The following PLA1A variants were observed in gnomAD, a reference collection of about 807,000 sequenced individuals.
PLA1A encodes phospholipase A1 member A.
Under a neutral mutation model 49.4 loss-of-function variants are expected in PLA1A, and 47 were observed. The observed-to-expected ratio is 0.95, with a 90% CI of 0.75 to 1.21. The LOEUF is 1.21. PLA1A is among the 50% of genes most tolerant of loss of function. The probability of loss-of-function intolerance (pLI) is 0.00; values close to 1 mark genes in which losing one functional copy is unlikely to be tolerated. For synonymous variants in PLA1A, 224 were observed against 207.9 expected (o/e 1.08, Z -0.67); for missense variants, 561 against 563.9 (o/e 0.99, Z 0.05).
At chr3:119,622,087 A>G (rs987777344) in intron 8 of PLA1A, among the ~76,000 whole-genome samples, 67 of 114,284 alleles carry the variant, frequency 5.9e-4, no homozygotes, top group Non-Finnish European at 9.6e-4. Context: ...GTTTCTGAAG[A>G]AAGAAGAAGA....
intron 9 of PLA1A, among the ~76,000 whole-genome samples, chr3:119,628,391 A>G (rs1267763393): frequency 1.3e-5 from 2 of 152,266 alleles, no homozygotes. Flanking sequence ...GAAGGTGAAG[A>G]TCTCCTCCAG....
At chr3:119,601,712 C>T (rs1439062793) in intron 1 of PLA1A, among the ~76,000 whole-genome samples, 3 of 152,154 alleles carry the variant, frequency 2.0e-5, no homozygotes, top group Admixed American at 6.5e-5. Context: ...GTGGTTAGGA[C>T]TAGGTCCTCT....
intron 1 of PLA1A, among the ~76,000 whole-genome samples, chr3:119,603,278 T>C (rs1432553854): frequency 1.3e-5 from 2 of 152,310 alleles, no homozygotes; most frequent in Non-Finnish European, 1.5e-5. Context: ...TGAGAGATGA[T>C]GGTGGCTTAG....
In PLA1A at chr3:119,629,494, C is replaced by G; in HGVS notation, c.*26C>G. 2 of 1,239,758 alleles carry G rather than the reference C, an allele frequency of 1.6e-6. No individual in the cohort carries two copies. The highest frequency in any genetic ancestry group is 2.3e-6 in the Non-Finnish European group (2 of 875,066). The allele number at this position is 1,239,758 out of a possible 1,614,324, so 76.8% of individuals were successfully genotyped here. ...TTTAACCTGGGCAGGACACATCTCC[C>G]TGCATTTTTTTTTTTTTTTTGAGAG... On this transcript the variant is annotated 3_prime_UTR_variant, in exon 11 of 11. Coordinates refer to ENST00000273371, the MANE Select transcript of PLA1A (RefSeq NM_015900.4).
chr3:119,610,230 T>G (rs2692613), intron 4 of PLA1A, among the ~76,000 whole-genome samples: 44,151 of 152,116 alleles, frequency 0.29, 8,045 homozygotes, highest in African/African-American at 0.5. Flanking sequence ...TACCATTGGT[T>G]GGCACCTGGG....
At chr3:119,621,957 G>T (rs887829107) in intron 8 of PLA1A, among the ~76,000 whole-genome samples, 1 of 152,084 alleles carries the variant, frequency 6.6e-6, no homozygotes. Flanking sequence ...AGTGGCTCAC[G>T]TCTCTAATCC....
chr3:119,615,470 G>A (rs1382437679), intron 5 of PLA1A, among the ~76,000 whole-genome samples: 1 of 152,154 alleles, frequency 6.6e-6, no homozygotes, highest in Admixed American at 6.5e-5. Flanking sequence ...AAAAACTTGT[G>A]TTACAGGATA....
At chr3:119,623,973 C>T (rs1283013393) in intron 8 of PLA1A, among the ~76,000 whole-genome samples, 1 of 152,230 alleles carries the variant, frequency 6.6e-6, no homozygotes, top group East Asian at 1.9e-4. Flanking sequence ...GATCCACCCG[C>T]CTTGGCCTCC....
intron 1 of PLA1A, among the ~76,000 whole-genome samples, chr3:119,603,689 A>T (rs140754241): frequency 8.5e-5 from 13 of 152,374 alleles, no homozygotes; most frequent in Admixed American, 3.3e-4. Flanking sequence ...TTATTTGAAC[A>T]AACAGTGATT....
rs753961269 is a variant in PLA1A, at chr3:119,616,018, G to A, written c.671G>A (p.Gly224Asp). 6.2e-7 allele frequency: 1 copy of A among 1,608,804 alleles called. No homozygotes were observed. The change falls in exon 6 of 11, where the codon GGT (glycine) becomes GAT (aspartate). Residue 224 changes from glycine (G) to aspartate (D), a missense_variant. Transcript: ENST00000273371. Reference protein sequence around the residue: ...EAIHTDTDNLGIRIPVGHVDY... With the variant: ...EAIHTDTDNLDIRIPVGHVDY... ...GAGTTGTGCCTCCTTTCAGATTTGG[G>A]TATTCGGATTCCCGTTGGACATGTG...
intron 1 of PLA1A, among the ~76,000 whole-genome samples, chr3:119,598,240 C>T (rs963483032): frequency 6.6e-6 from 1 of 152,126 alleles, no homozygotes; most frequent in African/African-American, 2.4e-5. Flanking sequence ...CCTTTCTCAC[C>T]TTGCACAAGC....
Position 119,629,498 on chromosome 3 carries a change from ATTTTT to A in PLA1A, c.*42_*46del. Reference sequence around the variant, plus strand: ...ACCTGGGCAGGACACATCTCCCTGCATTTTTTTTTTTTTTTTGAGAGAGAGGTGTG... The same window carrying A: ...ACCTGGGCAGGACACATCTCCCTGCATTTTTTTTTTTGAGAGAGAGGTGTG... On this transcript the variant is annotated 3_prime_UTR_variant, in exon 11 of 11. Transcript: ENST00000273371. 1.1e-6 allele frequency: 1 copy of A among 876,068 alleles called. No homozygotes were observed. Among genetic ancestry groups the A allele is most frequent in the Non-Finnish European group, 1.8e-6 (1 of 566,646 alleles). 54.3% of individuals were successfully genotyped at this position (876,068 alleles called of 1,614,324 possible).
At position 119,625,437 on chromosome 3, in the gene PLA1A, T is replaced by A. The variant is rs567230417; in HGVS notation, c.1121+205T>A. Among the ~76,000 whole-genome samples, 99 of 152,154 alleles carry A rather than the reference T, an allele frequency of 6.5e-4. 1 individual carries two copies. In the South Asian group the frequency reaches 0.02, roughly 30 times the overall value. On this transcript the variant is annotated intron_variant, in intron 9 of 10. Transcript: ENST00000273371. ...AGTAGTGGGTCCAAGTATAGCAGAT[T>A]CAGATGAGAGTAGGCAGGGCAAGCA...
intron 4 of PLA1A, among the ~76,000 whole-genome samples, 158 bp downstream of exon 4, chr3:119,609,734 A>T (rs1046155800): frequency 1.3e-5 from 2 of 152,242 alleles, no homozygotes; most frequent in African/African-American, 4.8e-5. Context: ...GTTCTTTTGC[A>T]TAAAATGGTA....
intron 9 of PLA1A, among the ~76,000 whole-genome samples, chr3:119,625,993 G>A (rs144483787): frequency 3.3e-5 from 5 of 152,284 alleles, no homozygotes; most frequent in Admixed American, 6.5e-5. Context: ...GTGAGAGTCC[G>A]GTCAGGAAAA....
At position 119,608,218 on chromosome 3, in the gene PLA1A, GAAAGAA is replaced by G. The variant is rs749795362; in HGVS notation, c.276-550_276-545del. On this transcript the variant is annotated intron_variant, in intron 2 of 10. Coordinates refer to ENST00000273371, the MANE Select transcript of PLA1A (RefSeq NM_015900.4). Reference sequence around the variant, plus strand: ...AAAGGAAAGAAAAGAAAGAAAGAAAGAAAGAAAGAGAGAGAAAGAAAGAGAGAAAGA... The same window carrying G: ...AAAGGAAAGAAAAGAAAGAAAGAAAGAGAGAGAGAAAGAAAGAGAGAAAGA... Among the ~76,000 whole-genome samples the G allele has an allele frequency of 4.9e-4, 69 of 141,992 alleles. 1 individual carries two copies. Among genetic ancestry groups the G allele is most frequent in the African/African-American group, 7.0e-4 (27 of 38,554 alleles). 93.2% of individuals were successfully genotyped at this position (141,992 alleles called of 152,430 possible).
In PLA1A at chr3:119,606,951, C is replaced by A. The variant is rs773067658; in HGVS notation, c.251C>A (p.Thr84Asn). 2 of 1,613,784 alleles carry A rather than the reference C, an allele frequency of 1.2e-6. No individual in the cohort carries two copies. Among genetic ancestry groups the A allele is most frequent in the East Asian group, 4.5e-5 (2 of 44,896 alleles). ...TCTGGGTTCAATGCCACTCTGGGAA[C>A]CAAACTAATTATCCATGGATTCAGG... ...QNSGFNATLGTKLIIHGFRVL... is the reference protein window; with the variant it reads ...QNSGFNATLGNKLIIHGFRVL... Residue 84 changes from threonine to asparagine, a missense_variant, in exon 2 of 11, where the codon ACC (threonine) becomes AAC (asparagine). Coordinates refer to ENST00000273371, the MANE Select transcript of PLA1A (RefSeq NM_015900.4).
chr3:119,628,383 A>G (rs1241350593), intron 9 of PLA1A, among the ~76,000 whole-genome samples: 1 of 152,394 alleles, frequency 6.6e-6, no homozygotes, highest in African/African-American at 2.4e-5. Flanking sequence ...TTAGATCTGA[A>G]GGTGAAGATC....
rs570776610 is a variant in PLA1A, at chr3:119,613,487, T to A, written c.664+369T>A. Among the ~76,000 whole-genome samples the A allele has an allele frequency of 6.6e-5, 10 of 152,340 alleles. No homozygotes were observed. The East Asian group carries it at 1.9e-3, about 29-fold the overall frequency. On this transcript the variant is annotated intron_variant, in intron 5 of 10. Coordinates refer to ENST00000273371, the MANE Select transcript of PLA1A (RefSeq NM_015900.4). ...AGTCATGAAGATTTTTTAGGATGGG[T>A]GTGCCTGGTCCCAAGGTACTGGGCC...
Sources: gnomAD v4.1 joint callset for allele counts (sites outside exome capture counted in the v4.1 genomes callset) on GRCh38, gnomAD v4.1.1 for gene constraint, MANE v1.5 for transcripts, NCBI Gene and HGNC (gene_info 2026-07-23, HGNC 2026-07-21) for gene names.